The following CNTN5 variants were observed in gnomAD, a reference collection of about 807,000 sequenced individuals.
CNTN5 encodes the protein contactin 5.
Under a neutral mutation model 129.1 loss-of-function variants are expected in CNTN5, and 77 were observed. That is an observed-to-expected ratio of 0.60 (90% CI 0.50 to 0.72). CNTN5 has a LOEUF of 0.72. CNTN5 is among the 30% of genes least tolerant of loss of function. The pLI is 0.00. For missense variants in CNTN5, 1,478 were observed against 1,328.8 expected (o/e 1.11, Z -1.75); for synonymous variants, 509 against 465.6 (o/e 1.09, Z -1.20).
At chr11:100,340,062 C>T (rs1256628601) in intron 21 of CNTN5, among the ~76,000 whole-genome samples, 3 of 152,122 alleles carry the variant, frequency 2.0e-5, no homozygotes, top group Non-Finnish European at 4.4e-5. Context: ...AGAGGAAATA[C>T]TCAGATGCCA....
At chr11:99,734,363 C>A (rs1943631556) in intron 3 of CNTN5, among the ~76,000 whole-genome samples, 2 of 152,120 alleles carry the variant, frequency 1.3e-5, no homozygotes, top group South Asian at 2.1e-4. Context: ...TAAGCATTAG[C>A]AATCCTATCA....
At chr11:99,543,773 C>T (rs1948190045) in intron 2 of CNTN5, among the ~76,000 whole-genome samples, 3 of 152,110 alleles carry the variant, frequency 2.0e-5, no homozygotes, top group Admixed American at 2.0e-4. Flanking sequence ...CAAAAATTAG[C>T]TGTGCGTGGT....
chr11:99,768,905 T>A (rs1315580501), intron 3 of CNTN5, among the ~76,000 whole-genome samples: 3 of 152,166 alleles, frequency 2.0e-5, no homozygotes, highest in East Asian at 1.9e-4. Flanking sequence ...GGATTTAACA[T>A]CTATTGATGA....
At chr11:99,115,187 T>C (rs1246105505) in intron 1 of CNTN5, among the ~76,000 whole-genome samples, 2 of 152,180 alleles carry the variant, frequency 1.3e-5, no homozygotes, top group African/African-American at 4.8e-5. Context: ...TATAGCACCC[T>C]GAATGAAGTA....
chr11:99,126,382 G>A (rs866060353), intron 1 of CNTN5, among the ~76,000 whole-genome samples: 74 of 152,290 alleles, frequency 4.9e-4, no homozygotes, highest in African/African-American at 1.7e-3. Context: ...GCTCCTCTGT[G>A]TCATACTTTC....
At chr11:99,997,216 G>GT (rs909052092) in intron 8 of CNTN5, among the ~76,000 whole-genome samples, 31 of 152,096 alleles carry the variant, frequency 2.0e-4, no homozygotes, top group Middle Eastern at 3.4e-3. Flanking sequence ...TTTTTGAAGG[G>GT]TTTTTTTGGT....
Position 100,271,147 on chromosome 11 carries a change from C to T in CNTN5, c.2220C>T (p.Pro740=), listed in dbSNP as rs1232033203. 26 of 1,612,974 alleles carry T rather than the reference C, an allele frequency of 1.6e-5. No individual in the cohort carries two copies. The highest frequency in any genetic ancestry group is 2.2e-5 in the Non-Finnish European group (26 of 1,179,496). ...CAGCCATGGCTGTGGACCTAAATCC[C>T]TGGGTGGAATATGAATTTCGAGTGG... ...MESAMAVDLN[P]WVEYEFRVVA... is the part of the protein sequence containing the mutation. Residue 740 remains proline (P), a synonymous_variant, in exon 18 of 25, where the codon CCC becomes CCT. Coordinates refer to ENST00000524871, the MANE Select transcript of CNTN5 (RefSeq NM_014361.4).
intron 1 of CNTN5, among the ~76,000 whole-genome samples, chr11:99,186,936 A>G (rs1033097089): frequency 2.0e-5 from 3 of 151,926 alleles, no homozygotes; most frequent in Non-Finnish European, 2.9e-5. Context: ...GTAGATAGAG[A>G]AATGAGGGTT....
rs1224136993 is a variant in CNTN5 at position 99,723,109 on chromosome 11, T to G, written c.56-96435T>G. On this transcript the variant is annotated intron_variant, in intron 3 of 24. Coordinates refer to ENST00000524871, the MANE Select transcript of CNTN5 (RefSeq NM_014361.4). ...ATGTTTTCTCTTTACCTATTGTTAT[T>G]TCTATGCTCATACTTACTCCCTTAA... Among the ~76,000 whole-genome samples the G allele has an allele frequency of 3.3e-5, 5 of 152,216 alleles. No individual in the cohort carries two copies. In the South Asian group the frequency reaches 6.2e-4, roughly 19 times the overall value.
At chr11:99,368,823 C>T (rs188436517) in intron 2 of CNTN5, among the ~76,000 whole-genome samples, 5 of 152,164 alleles carry the variant, frequency 3.3e-5, no homozygotes, top group Admixed American at 2.6e-4. Flanking sequence ...TTATTCAAGG[C>T]TATTGCAATA....
chr11:99,228,358 A>G (rs1860804576), intron 1 of CNTN5, among the ~76,000 whole-genome samples: 1 of 152,080 alleles, frequency 6.6e-6, no homozygotes, highest in Non-Finnish European at 1.5e-5. Context: ...TTAGCACACA[A>G]AGAAAGATTG....
intron 4 of CNTN5, among the ~76,000 whole-genome samples, chr11:99,838,122 C>T (rs1290429035): frequency 6.6e-6 from 1 of 152,012 alleles, no homozygotes; most frequent in African/African-American, 2.4e-5. Context: ...CTGTCCTCAT[C>T]TAGGATACAA....
At chr11:100,017,541 A>G (rs558449357) in intron 9 of CNTN5, among the ~76,000 whole-genome samples, 1 of 152,138 alleles carries the variant, frequency 6.6e-6, no homozygotes, top group East Asian at 1.9e-4. Context: ...TAAAATTGGC[A>G]TATATAAACA....
intron 2 of CNTN5, among the ~76,000 whole-genome samples, chr11:99,445,296 T>C (rs1944017162): frequency 6.6e-6 from 1 of 151,882 alleles, no homozygotes; most frequent in Non-Finnish European, 1.5e-5. Flanking sequence ...AGGTAGAGTG[T>C]TAGTCACATT....
chr11:99,536,446 G>A lies in CNTN5; in HGVS notation c.-70-19699G>A, dbSNP rs533060328. Among the ~76,000 whole-genome samples the A allele has an allele frequency of 5.9e-5, 9 of 152,106 alleles. No homozygotes were observed. The South Asian group carries it at 6.2e-4, about 11-fold the overall frequency. On this transcript the variant is annotated intron_variant, in intron 2 of 24. Transcript: ENST00000524871. The stretch of plus-strand genomic sequence containing the variant: ...TGTGCTCTAAGGAATCTTAAAAACC[G>A]ACTGGTTAATAAATGAAATAAAATA...
chr11:99,827,865 C>A (rs936846069), intron 4 of CNTN5, among the ~76,000 whole-genome samples: 1 of 152,084 alleles, frequency 6.6e-6, no homozygotes, highest in East Asian at 1.9e-4. Flanking sequence ...TTTCTTTGAT[C>A]GGTCAATAAC....
intron 1 of CNTN5, among the ~76,000 whole-genome samples, chr11:99,242,244 T>G (rs1861598176): frequency 6.6e-6 from 1 of 152,274 alleles, no homozygotes; most frequent in South Asian, 2.1e-4. Flanking sequence ...CTCATTAATT[T>G]GGTATCAATT....
At position 100,356,389 on chromosome 11, in the gene CNTN5, A is replaced by C. The variant is rs1342188128; in HGVS notation, c.*169A>C. ...AGGGGGGAAATATTACTTATCCATC[A>C]GGTTTCTCTTTGGTTTTTGTAAACG... On this transcript the variant is annotated 3_prime_UTR_variant, in exon 25 of 25. Coordinates refer to ENST00000524871, the MANE Select transcript of CNTN5 (RefSeq NM_014361.4). 1.7e-6 allele frequency: 1 copy of C among 598,254 alleles called. No homozygotes were observed. 37.1% of individuals were successfully genotyped at this position (598,254 alleles called of 1,614,324 possible).
intron 3 of CNTN5, among the ~76,000 whole-genome samples, chr11:99,656,360 T>C (rs1180903664): frequency 2.0e-5 from 3 of 152,072 alleles, no homozygotes; most frequent in African/African-American, 7.2e-5. Context: ...CCTCAGGAAA[T>C]TTTCCAGATC....
Sources: gnomAD v4.1 joint callset for allele counts (sites outside exome capture counted in the v4.1 genomes callset) on GRCh38, gnomAD v4.1.1 for gene constraint, MANE v1.5 for transcripts, NCBI Gene and HGNC (gene_info 2026-07-23, HGNC 2026-07-21) for gene names.